The following GSPT1 variants were observed in gnomAD, a reference collection of about 807,000 sequenced individuals.
GSPT1 encodes eukaryotic peptide chain release factor GTP-binding subunit ERF3A.
Under a neutral mutation model 72.5 loss-of-function variants are expected in GSPT1, and 20 were observed. The ratio of observed to expected loss-of-function variants is 0.28; its 90% CI spans 0.19 to 0.40. GSPT1 has a LOEUF of 0.40. Ranked by LOEUF, GSPT1 falls within the 10% of genes least tolerant of loss-of-function variation. The pLI is 1.00. For missense variants in GSPT1, 580 were observed against 811.9 expected, an observed-to-expected ratio of 0.71 and a Z score of 3.47; for synonymous variants, 334 against 293.5, an observed-to-expected ratio of 1.14 and a Z score of -1.41.
At chr16:11,892,517 A>AT (rs1555504698) in intron 5 of GSPT1, among the ~76,000 whole-genome samples, 1 of 124,336 alleles carries the variant, frequency 8.0e-6, no homozygotes, top group African/African-American at 3.7e-5. Context: ...AAAAAAACAA[A>AT]AAAAACAAAA....
chr16:11,903,500 G>A (rs1156288018), intron 1 of GSPT1, among the ~76,000 whole-genome samples: 2 of 152,148 alleles, frequency 1.3e-5, no homozygotes, highest in Non-Finnish European at 2.9e-5. Flanking sequence ...GGGCATAACA[G>A]TGAGACTCTG....
At chr16:11,911,084 A>G (rs1240812693) in intron 1 of GSPT1, among the ~76,000 whole-genome samples, 2 of 152,210 alleles carry the variant, frequency 1.3e-5, no homozygotes, top group African/African-American at 2.4e-5. Flanking sequence ...ACTGAAGCCT[A>G]AAAACACCTT....
chr16:11,883,948 G>A (rs1005800908), intron 10 of GSPT1, among the ~76,000 whole-genome samples: 3 of 151,148 alleles, frequency 2.0e-5, no homozygotes, highest in African/African-American at 7.3e-5. Flanking sequence ...CAACACAGAA[G>A]TTTATGTTGG....
intron 1 of GSPT1, among the ~76,000 whole-genome samples, chr16:11,901,032 G>A (rs2054399690): frequency 6.6e-6 from 1 of 152,082 alleles, no homozygotes. Flanking sequence ...AAAACTGTCG[G>A]GAATGGCGGC....
At position 11,887,769 on chromosome 16, in the gene GSPT1, A is replaced by G; in HGVS notation, c.777-19T>C. 6.5e-7 allele frequency: 1 copy of G among 1,532,866 alleles called. No individual in the cohort carries two copies. The allele number at this position is 1,532,866 out of a possible 1,614,324, so 95.0% of individuals were successfully genotyped here. A position where few individuals can be genotyped will look rare whatever the true frequency, so the allele number is the denominator to read the frequency against. On this transcript the variant is annotated intron_variant, in intron 6 of 14. Coordinates refer to ENST00000434724, the MANE Select transcript of GSPT1 (RefSeq NM_002094.4). ...CAAGTACCTGAAATAATTTTTAAAA[A>G]AAGAACAATATTCCTAAGAACATCA...
chr16:11,896,521 G>GTA, intron 4 of GSPT1, 37 bp downstream of exon 4: 1 of 1,107,040 alleles, frequency 9.0e-7, no homozygotes, highest in South Asian at 1.3e-5. Flanking sequence ...TATGTTTTAT[G>GTA]TATCCAGTAA....
rs371546882 is a variant in GSPT1, at chr16:11,872,381, CAAAAAAAAA to C, written c.*729_*737del. The stretch of plus-strand genomic sequence containing the variant: ...GAAATCATGTTACAATATAAATTGG[CAAAAAAAAA>C]AAAAATAAATAAATAACTAAAAGAC... On this transcript the variant is annotated 3_prime_UTR_variant, in exon 15 of 15. Transcript: ENST00000434724. The C allele has an allele frequency of 1.8e-5, 2 of 113,320 alleles. No homozygotes were observed. The highest frequency in any genetic ancestry group is 5.9e-5 in the African/African-American group (2 of 33,944). 7.0% of individuals were successfully genotyped at this position (113,320 alleles called of 1,614,324 possible).
intron 5 of GSPT1, among the ~76,000 whole-genome samples, chr16:11,893,708 C>T (rs1288170853): frequency 1.3e-5 from 2 of 152,086 alleles, no homozygotes; most frequent in South Asian, 4.2e-4. Flanking sequence ...CCAAAACTTA[C>T]AGCCCATCAG....
intron 1 of GSPT1, among the ~76,000 whole-genome samples, chr16:11,902,657 G>A (rs1036250434): frequency 1.3e-5 from 2 of 151,020 alleles, no homozygotes; most frequent in South Asian, 2.1e-4. Flanking sequence ...TCGCAGTCTC[G>A]GCTCACTGCA....
In GSPT1 at chr16:11,876,120, T is replaced by A; in HGVS notation, c.1658A>T (p.His553Leu). Reference protein sequence around the residue: ...IICPGYNAVLHIHTCIEEVEI... With the variant: ...IICPGYNAVLLIHTCIEEVEI... ...CACCTCCTCAATACAGGTATGAATATGCAGCACCGCATTATAGCCTGGGCA... is the reference window on the plus strand; with the variant it reads ...CACCTCCTCAATACAGGTATGAATAAGCAGCACCGCATTATAGCCTGGGCA... The change falls in exon 13 of 15, where the codon CAT becomes CTT. Residue 553 changes from histidine to leucine, a missense_variant. His to Leu is a moderately conservative substitution (Grantham distance 99, BLOSUM62 -3). This residue lies in a region of GSPT1 where 120 missense variants were observed against 242.5 expected (regional missense o/e 0.49). Coordinates refer to ENST00000434724, the MANE Select transcript of GSPT1 (RefSeq NM_002094.4). 6.2e-7 allele frequency: 1 copy of A among 1,609,172 alleles called. No individual in the cohort carries two copies. Among genetic ancestry groups the A allele is most frequent in the Non-Finnish European group, 8.5e-7 (1 of 1,175,446 alleles).
rs1410344413 is a variant in GSPT1, at chr16:11,877,467, T to C, written c.1542A>G (p.Pro514=). 3 of 1,612,044 alleles carry C rather than the reference T, an allele frequency of 1.9e-6. No individual in the cohort carries two copies. The highest frequency in any genetic ancestry group is 4.5e-5 in the East Asian group (2 of 44,806). The change falls in exon 12 of 15, where the codon CCA becomes CCG. Residue 514 remains proline (P), a synonymous_variant. Transcript: ENST00000434724. This position sits in a 1 kb window ranked among gnomAD's most constrained non-coding sequence, Gnocchi z 4.0. ...LKGIEEEEIL[P]GFILCDPNNL... Reference sequence around the variant, plus strand: ...TATTAGGATCACAAAGTATAAACCCTGGAAGAATCTCCTCTTCTTCAATTC... The same window carrying C: ...TATTAGGATCACAAAGTATAAACCCCGGAAGAATCTCCTCTTCTTCAATTC...
chr16:11,899,880 T>C lies in GSPT1; in HGVS notation c.353-1845A>G, dbSNP rs566132573. On this transcript the variant is annotated intron_variant, in intron 1 of 14. Coordinates refer to ENST00000434724, the MANE Select transcript of GSPT1 (RefSeq NM_002094.4). ...TGTGCCTGCACTTATTCCACTGAAATTGTGGAAATGATATACCATCTACCT... is the reference window on the plus strand; with the variant it reads ...TGTGCCTGCACTTATTCCACTGAAACTGTGGAAATGATATACCATCTACCT... Among the ~76,000 whole-genome samples, 4 of 152,034 alleles carry C rather than the reference T, an allele frequency of 2.6e-5. No individual in the cohort carries two copies. In the East Asian group the frequency reaches 5.8e-4, roughly 22 times the overall value.
At chr16:11,910,813 A>G (rs1399585309) in intron 1 of GSPT1, among the ~76,000 whole-genome samples, 2 of 152,248 alleles carry the variant, frequency 1.3e-5, no homozygotes, top group Non-Finnish European at 2.9e-5. Context: ...AGCACTACGT[A>G]ATACCTGCTC....
intron 10 of GSPT1, among the ~76,000 whole-genome samples, chr16:11,884,815 C>T (rs2054167186): frequency 6.6e-6 from 1 of 150,766 alleles, no homozygotes; most frequent in African/African-American, 2.4e-5. Context: ...GCCTGTAATC[C>T]CAGCACCTTG....
chr16:11,899,286 G>C (rs1596470743), intron 1 of GSPT1, among the ~76,000 whole-genome samples: 1 of 152,042 alleles, frequency 6.6e-6, no homozygotes, highest in South Asian at 2.1e-4. Context: ...GTTGAGTAAA[G>C]TAATTTCCTG....
intron 11 of GSPT1, among the ~76,000 whole-genome samples, chr16:11,882,730 G>C (rs1032916442): frequency 6.6e-6 from 1 of 152,032 alleles, no homozygotes; most frequent in African/African-American, 2.4e-5. Flanking sequence ...CAAGATGGGA[G>C]GATTGTTTGA....
intron 1 of GSPT1, among the ~76,000 whole-genome samples, chr16:11,902,466 T>TA (rs1348022154): frequency 6.7e-6 from 1 of 150,264 alleles, no homozygotes; most frequent in Non-Finnish European, 1.5e-5. Context: ...AAAGGAAGAT[T>TA]AATGACTTGA....
Position 11,891,073 on chromosome 16 carries a change from G to A in GSPT1, c.765C>T (p.Asn255=), listed in dbSNP as rs1269847696. Residue 255 remains asparagine (N), a synonymous_variant, in exon 6 of 15, where the codon AAC becomes AAT. Transcript: ENST00000434724. ...AAAGTTTACTATACCAAGTTTCTCT[G>A]TTTTTCTCTTTAGCTTCTCTTTCAT... ...EKYEREAKEK[N]RETWYLSWAL... The A allele has an allele frequency of 6.8e-7, 1 of 1,462,192 alleles. No individual in the cohort carries two copies. Among genetic ancestry groups the A allele is most frequent in the Non-Finnish European group, 9.3e-7 (1 of 1,076,450 alleles). The allele number at this position is 1,462,192 out of a possible 1,614,324, so 90.6% of individuals were successfully genotyped here. A position where few individuals can be genotyped will look rare whatever the true frequency, so the allele number is the denominator to read the frequency against.
rs2053940030 is a variant in GSPT1, at chr16:11,868,236, A to C, written c.*4883T>G. 6.6e-6 allele frequency: 1 copy of C among 152,190 alleles called. No homozygotes were observed. The highest frequency in any genetic ancestry group is 1.5e-5 in the Non-Finnish European group (1 of 68,032). 9.4% of individuals were successfully genotyped at this position (152,190 alleles called of 1,614,324 possible). A position where few individuals can be genotyped will look rare whatever the true frequency, so the allele number is the denominator to read the frequency against. ...GGGCTTAATCCTCACACAGGCACCA[A>C]GTCAGGCACAGTAGGTAGCTACAAA... On this transcript the variant is annotated 3_prime_UTR_variant, in exon 15 of 15. Coordinates refer to ENST00000434724, the MANE Select transcript of GSPT1 (RefSeq NM_002094.4).
Sources: gnomAD v4.1 joint callset for allele counts (sites outside exome capture counted in the v4.1 genomes callset) on GRCh38, gnomAD v4.1.1 for gene constraint, gnomAD v4.1.1 regional missense constraint, Gnocchi (gnomAD v3.1) non-coding constraint, MANE v1.5 for transcripts, NCBI Gene and HGNC (gene_info 2026-07-23, HGNC 2026-07-21) for gene names.